Variants in SLC11A2 observed in about 807,000 individuals in gnomAD.
The protein encoded by SLC11A2 is solute carrier family 11 member 2.
A neutral mutation model predicts 68.0 loss-of-function variants in SLC11A2; 38 were observed. The ratio of observed to expected loss-of-function variants is 0.56; its 90% CI spans 0.43 to 0.73. The LOEUF is 0.73. Ranked by LOEUF, SLC11A2 falls within the 30% of genes least tolerant of loss-of-function variation. The pLI, the probability that SLC11A2 is intolerant of heterozygous loss-of-function variation, is 0.00. For synonymous variants in SLC11A2, 242 were observed against 250.6 expected, an observed-to-expected ratio of 0.97 and a Z score of 0.32; for missense variants, 517 against 690.5, an observed-to-expected ratio of 0.75 and a Z score of 2.82.
chr12:51,013,116 T>C (rs1943362494), intron 1 of SLC11A2, among the ~76,000 whole-genome samples: 2 of 152,168 alleles, frequency 1.3e-5, no homozygotes, highest in South Asian at 4.1e-4. Context: ...AAGAGGAACT[T>C]GGCACACTGA....
chr12:50,977,356 T>C (rs1442855518), downstream of SLC11A2, among the ~76,000 whole-genome samples: 1 of 152,140 alleles, frequency 6.6e-6, no homozygotes, highest in East Asian at 1.9e-4. Context: ...TCTACAACCA[T>C]CTGACCTTTG....
In SLC11A2 at chr12:50,995,680, A is replaced by C; in HGVS notation, c.939T>G (p.Phe313Leu). 6.2e-7 allele frequency: 1 copy of C among 1,614,228 alleles called. No homozygotes were observed. Among genetic ancestry groups the C allele is most frequent in the Non-Finnish European group, 8.5e-7 (1 of 1,180,032 alleles). ...ALFVSFIINV[F>L]VVSVFAEAFF... ...ATGCTTCAGCAAAGACTGAGACAAC[A>C]AAGACATTGATGATGAAGGAAACAA... Residue 313 changes from phenylalanine to leucine, a missense_variant, in exon 10 of 16, where the codon TTT (phenylalanine) becomes TTG (leucine). By Grantham distance (22) the Phe-to-Leu change is conservative. Transcript: ENST00000262052.
downstream of SLC11A2, among the ~76,000 whole-genome samples, chr12:50,985,256 G>A (rs1276203928): frequency 5.9e-5 from 9 of 152,182 alleles, no homozygotes; most frequent in Non-Finnish European, 1.0e-4. Flanking sequence ...TTCAAAACAG[G>A]ATCCTCACAT....
At position 50,996,984 on chromosome 12, in the gene SLC11A2, CAT is replaced by C; in HGVS notation, c.676-14_676-13del. On this transcript the variant is annotated splice_polypyrimidine_tract_variant and intron_variant, in intron 8 of 15. Transcript: ENST00000262052. Reference sequence around the variant, plus strand: ...TTCACTGTAACATACTACATACCAACATAACAATGATTAGCCTTTACAGGAAC... The same window carrying C: ...TTCACTGTAACATACTACATACCAACAACAATGATTAGCCTTTACAGGAAC... The C allele has an allele frequency of 6.2e-7, 1 of 1,612,912 alleles. No individual in the cohort carries two copies. The highest frequency in any genetic ancestry group is 1.1e-5 in the South Asian group (1 of 91,060).
intron 1 of SLC11A2, chr12:51,025,948 C>T (rs998433995): frequency 1.0e-6 from 1 of 1,000,880 alleles, no homozygotes; most frequent in Non-Finnish European, 1.2e-6. Flanking sequence ...CCGTCGGCCT[C>T]TTTCGAGGCG....
chr12:50,990,797 A>C lies in SLC11A2; in HGVS notation c.1573T>G (p.Leu525Val). ...CTGCTCTTCCAGGCTAGACTTACCA[A>C]GTAGAACACAAAGCCCAGATAAGCC... ...SVAYLGFVFY[L>V]GWQCLIALGM... Residue 525 changes from leucine (L) to valine (V), a missense_variant and splice_region_variant, in exon 15 of 16, where the codon TTG becomes GTG. Physicochemically the swap from Leu to Val is conservative, Grantham distance 32. Transcript: ENST00000262052. 1 of 1,614,018 alleles carries C rather than the reference A, an allele frequency of 6.2e-7. No individual in the cohort carries two copies. Among genetic ancestry groups the C allele is most frequent in the Non-Finnish European group, 8.5e-7 (1 of 1,179,946 alleles).
At chr12:50,976,341 C>T (rs1200057478), downstream of SLC11A2, among the ~76,000 whole-genome samples, 1 of 152,124 alleles carries the variant, frequency 6.6e-6, no homozygotes, top group Non-Finnish European at 1.5e-5. Flanking sequence ...GTTCAACATA[C>T]ACAAATCAAT....
chr12:50,959,773 A>G, the SLC11A2 span, among the ~76,000 whole-genome samples: 27,836 of 151,746 alleles, frequency 0.18, 2,915 homozygotes, highest in East Asian at 0.5. Flanking sequence ...TCAGCCTCCC[A>G]AGTAGCTGGG....
intron 1 of SLC11A2, among the ~76,000 whole-genome samples, chr12:51,022,596 T>C (rs904277354): frequency 1.3e-5 from 2 of 152,170 alleles, no homozygotes; most frequent in Non-Finnish European, 2.9e-5. Flanking sequence ...TGATGGATAT[T>C]GGCTCCCAAA....
Position 50,987,189 on chromosome 12 carries a change from G to A in SLC11A2, c.*1136C>T, listed in dbSNP as rs1439937706. 3.9e-6 allele frequency: 5 copies of A among 1,286,540 alleles called. No homozygotes were observed. The highest frequency in any genetic ancestry group is 5.1e-6 in the Non-Finnish European group (5 of 988,298). 79.7% of individuals were successfully genotyped at this position (1,286,540 alleles called of 1,614,324 possible). On this transcript the variant is annotated 3_prime_UTR_variant, in exon 16 of 16. Coordinates refer to ENST00000262052, the MANE Select transcript of SLC11A2 (RefSeq NM_000617.3). ...GATTTTTCCCTCTGAGGAAACAGCT[G>A]TAGAGAGGTAGCCCAGTTCAACTTT... is the stretch of plus-strand genomic sequence containing the variant.
chr12:50,956,274 C>T, the SLC11A2 span, among the ~76,000 whole-genome samples: 27 of 152,248 alleles, frequency 1.8e-4, no homozygotes, highest in Non-Finnish European at 3.4e-4. Context: ...CGCCTGTAGT[C>T]CCAGCTCCTC....
At chr12:51,000,708 C>A in intron 5 of SLC11A2, 2 of 584,786 alleles carry the variant, frequency 3.4e-6, no homozygotes, top group East Asian at 2.8e-5. Context: ...AATATAATTG[C>A]CATTTACTAA....
At chr12:50,994,139 C>T (rs1565994248) in intron 11 of SLC11A2, among the ~76,000 whole-genome samples, 1 of 151,464 alleles carries the variant, frequency 6.6e-6, no homozygotes, top group Non-Finnish European at 1.5e-5. Context: ...CTTCCAGGTT[C>T]AAGCGATTCT....
intron 10 of SLC11A2, 73 bp from the exon 11 acceptor site, chr12:50,994,703 C>G: frequency 1.2e-6 from 1 of 837,154 alleles, no homozygotes; most frequent in Non-Finnish European, 2.1e-6. Context: ...TCCTACATAT[C>G]ATACACAATC....
chr12:50,992,243 C>T lies in SLC11A2; in HGVS notation c.1294G>A (p.Val432Ile). ...PTLLVAVFQD[V>I]EHLTGMNDFL... is the part of the protein sequence containing the mutation. ...TCATTCATCCCTGTTAGATGCTCTA[C>T]ATCTTGGAAGACAGCAACAAGCAGA... Residue 432 changes from valine to isoleucine, a missense_variant, in exon 13 of 16, where the codon GTA becomes ATA. By Grantham distance (29) the Val-to-Ile change is conservative. Transcript: ENST00000262052. 3 of 1,614,080 alleles carry T rather than the reference C, an allele frequency of 1.9e-6. No individual in the cohort carries two copies. Among genetic ancestry groups the T allele is most frequent in the Non-Finnish European group, 2.5e-6 (3 of 1,179,974 alleles).
chr12:50,996,276 T>C (rs1592341484), intron 9 of SLC11A2, among the ~76,000 whole-genome samples: 1 of 152,182 alleles, frequency 6.6e-6, no homozygotes, highest in Non-Finnish European at 1.5e-5. Flanking sequence ...CAACCTTTTA[T>C]GAAGAACTTT....
chr12:50,997,631 G>A (rs1456641280), intron 8 of SLC11A2, among the ~76,000 whole-genome samples: 5 of 122,078 alleles, frequency 4.1e-5, no homozygotes, highest in African/African-American at 1.5e-4. Context: ...GGTGAGCTGA[G>A]ATCGTGCCAC....
intron 2 of SLC11A2, 65 bp from the exon 3 acceptor site, chr12:51,008,689 T>C: frequency 2.3e-6 from 3 of 1,288,224 alleles, no homozygotes; most frequent in Non-Finnish European, 3.4e-6. Flanking sequence ...AATTCATCCT[T>C]AGTATACTGA....
At chr12:51,012,706 A>G (rs563623378) in intron 1 of SLC11A2, among the ~76,000 whole-genome samples, 4 of 152,178 alleles carry the variant, frequency 2.6e-5, no homozygotes, top group Non-Finnish European at 5.9e-5. Flanking sequence ...CATATATACC[A>G]CCACCTGCTA....
Sources: gnomAD v4.1 joint callset for allele counts (sites outside exome capture counted in the v4.1 genomes callset) on GRCh38, gnomAD v4.1.1 for gene constraint, MANE v1.5 for transcripts, NCBI Gene and HGNC (gene_info 2026-07-23, HGNC 2026-07-21) for gene names.